PKIA: variants seen among roughly 807,000 people sequenced by gnomAD.
PKIA encodes the protein cAMP-dependent protein kinase inhibitor alpha, also known as PKI-alpha.
A neutral mutation model predicts 7.6 loss-of-function variants in PKIA; 4 were observed. The observed-to-expected ratio is 0.52, with a 90% CI of 0.26 to 1.20. PKIA has a LOEUF of 1.20. PKIA is among the 50% of genes most tolerant of loss of function. The pLI, the probability that PKIA is intolerant of heterozygous loss-of-function variation, is 0.13. For missense variants in PKIA, 73 were observed against 86.2 expected, an observed-to-expected ratio of 0.85 and a Z score of 0.61; for synonymous variants, 21 against 30.7, an observed-to-expected ratio of 0.68 and a Z score of 1.04.
chr8:78,524,083 A>ATAAACATTTATATTTATATATAAATATAT lies in PKIA; in HGVS notation c.-157+7615_-157+7616insTAAACATTTATATTTATATATAAATATAT, dbSNP rs1563565703. ...ACATTTATATTTATATATAAATATAAATAAACATTTATATTTATATATAAA... is the reference window on the plus strand; with the variant it reads ...ACATTTATATTTATATATAAATATAATAAACATTTATATTTATATATAAATATATATAAACATTTATATTTATATATAAA... On this transcript the variant is annotated intron_variant, in intron 1 of 3. Transcript: ENST00000396418. Among the ~76,000 whole-genome samples, 9 of 77,412 alleles carry ATAAACATTTATATTTATATATAAATATAT rather than the reference A, an allele frequency of 1.2e-4. 2 individuals carry two copies. Among genetic ancestry groups the ATAAACATTTATATTTATATATAAATATAT allele is most frequent in the African/African-American group, 6.8e-4 (8 of 11,760 alleles). 50.8% of individuals were successfully genotyped at this position (77,412 alleles called of 152,430 possible). A position where few individuals can be genotyped will look rare whatever the true frequency, so the allele number is the denominator to read the frequency against.
In PKIA at chr8:78,516,357, C is replaced by A. The variant is rs1357888375; in HGVS notation, c.-268C>A. 3.3e-5 allele frequency: 5 copies of A among 152,386 alleles called. No individual in the cohort carries two copies. The highest frequency in any genetic ancestry group is 1.2e-4 in the African/African-American group (5 of 41,428). 9.4% of individuals were successfully genotyped at this position (152,386 alleles called of 1,614,324 possible). On this transcript the variant is annotated 5_prime_UTR_variant, in exon 1 of 4. The change creates a new upstream start codon in the 5' untranslated region. Coordinates refer to ENST00000396418, the MANE Select transcript of PKIA (RefSeq NM_006823.4). Reference sequence around the variant, plus strand: ...TCCGCGGCGGGAGCGGAGGCTGCTGCTGGCAGGTGGGGCGCGGGCCGGCGC... The same window carrying A: ...TCCGCGGCGGGAGCGGAGGCTGCTGATGGCAGGTGGGGCGCGGGCCGGCGC...
intron 1 of PKIA, among the ~76,000 whole-genome samples, chr8:78,561,836 C>T (rs904241092): frequency 1.6e-4 from 24 of 152,172 alleles, no homozygotes; most frequent in Non-Finnish European, 3.2e-4. Context: ...GGATAATGCA[C>T]GTTAAGCATT....
At chr8:78,551,834 A>G (rs2118471900) in intron 1 of PKIA, among the ~76,000 whole-genome samples, 1 of 152,094 alleles carries the variant, frequency 6.6e-6, no homozygotes, top group Middle Eastern at 3.4e-3. Context: ...TTGCTAATGA[A>G]ATATCTCTGT....
At chr8:78,590,944 C>T (rs1808078318) in intron 2 of PKIA, among the ~76,000 whole-genome samples, 1 of 152,136 alleles carries the variant, frequency 6.6e-6, no homozygotes, top group Admixed American at 6.5e-5. Flanking sequence ...ACATACTTCC[C>T]ATGATTTCAC....
chr8:78,581,890 G>A lies in PKIA; in HGVS notation c.-28+8951G>A, dbSNP rs868187105. Reference sequence around the variant, plus strand: ...TTCTTGTTAATATTTGGATATGTTTGTAGGAAGCGTTTGGGGTTGACAGGG... The same window carrying A: ...TTCTTGTTAATATTTGGATATGTTTATAGGAAGCGTTTGGGGTTGACAGGG... On this transcript the variant is annotated intron_variant, in intron 2 of 3. Transcript: ENST00000396418. Among the ~76,000 whole-genome samples the A allele has an allele frequency of 1.2e-4, 18 of 152,212 alleles. 1 individual carries two copies. In the South Asian group the frequency reaches 3.3e-3, roughly 28 times the overall value.
intron 1 of PKIA, among the ~76,000 whole-genome samples, chr8:78,524,083 A>T (rs71500596): frequency 0.055 from 4,224 of 77,156 alleles, 816 homozygotes; most frequent in African/African-American, 0.18. Context: ...TATAAATATA[A>T]ATAAACATTT....
chr8:78,552,793 C>A (rs76878425), intron 1 of PKIA, among the ~76,000 whole-genome samples: 1 of 151,838 alleles, frequency 6.6e-6, no homozygotes, highest in East Asian at 1.9e-4. Flanking sequence ...AATAATGATA[C>A]TTTTAGTCTT....
chr8:78,581,298 T>A (rs933298100), intron 2 of PKIA, among the ~76,000 whole-genome samples: 1 of 152,122 alleles, frequency 6.6e-6, no homozygotes, highest in Non-Finnish European at 1.5e-5. Flanking sequence ...AGAAACTCGT[T>A]GTAGTTAATT....
chr8:78,524,997 A>T (rs1022851383), intron 1 of PKIA, among the ~76,000 whole-genome samples: 5 of 151,974 alleles, frequency 3.3e-5, no homozygotes, highest in South Asian at 2.1e-4. Flanking sequence ...TTGCTTTAGT[A>T]TATGTGGTAG....
chr8:78,539,725 G>A (rs1563571569), intron 1 of PKIA, among the ~76,000 whole-genome samples: 1 of 151,892 alleles, frequency 6.6e-6, no homozygotes, highest in Non-Finnish European at 1.5e-5. Context: ...TACCTGCAGT[G>A]CTTAAATTTA....
At chr8:78,566,468 T>C (rs1807415859) in intron 1 of PKIA, among the ~76,000 whole-genome samples, 1 of 152,026 alleles carries the variant, frequency 6.6e-6, no homozygotes, top group Non-Finnish European at 1.5e-5. Flanking sequence ...GTTTCAAAGA[T>C]TTCCCCTGTG....
intron 1 of PKIA, among the ~76,000 whole-genome samples, chr8:78,518,267 T>A (rs1359609747): frequency 1.3e-5 from 2 of 152,216 alleles, no homozygotes; most frequent in East Asian, 3.9e-4. Context: ...AATAACCTTA[T>A]GTTCCTTTTT....
chr8:78,576,101 AC>A (rs1585913037), intron 2 of PKIA, among the ~76,000 whole-genome samples: 1 of 152,060 alleles, frequency 6.6e-6, no homozygotes, highest in Non-Finnish European at 1.5e-5. Flanking sequence ...ACCTTATTTA[AC>A]CTAAATGACT....
intron 1 of PKIA, among the ~76,000 whole-genome samples, chr8:78,560,949 A>AG (rs1175715751): frequency 1.3e-5 from 2 of 152,200 alleles, no homozygotes; most frequent in Non-Finnish European, 2.9e-5. Context: ...TCCAGAGCAA[A>AG]GATCTTTCTA....
intron 1 of PKIA, among the ~76,000 whole-genome samples, chr8:78,565,239 T>C (rs1277313323): frequency 6.6e-6 from 1 of 151,948 alleles, no homozygotes; most frequent in Non-Finnish European, 1.5e-5. Flanking sequence ...GGAATAGAGA[T>C]TAAGCAAACT....
At chr8:78,576,122 G>A (rs1184322853) in intron 2 of PKIA, among the ~76,000 whole-genome samples, 1 of 151,770 alleles carries the variant, frequency 6.6e-6, no homozygotes, top group Admixed American at 6.6e-5. Context: ...TTCTTTAAAG[G>A]GCCTATCTCC....
At chr8:78,548,833 C>T (rs1806905381) in intron 1 of PKIA, among the ~76,000 whole-genome samples, 1 of 151,928 alleles carries the variant, frequency 6.6e-6, no homozygotes, top group Non-Finnish European at 1.5e-5. Flanking sequence ...GACTCTACAT[C>T]TACAATATAT....
At chr8:78,571,391 AC>A (rs2118555788) in intron 1 of PKIA, among the ~76,000 whole-genome samples, 1 of 152,054 alleles carries the variant, frequency 6.6e-6, no homozygotes, top group Non-Finnish European at 1.5e-5. Context: ...CTCCCCCTAC[AC>A]TCAGCATTTC....
intron 1 of PKIA, among the ~76,000 whole-genome samples, chr8:78,545,438 G>T (rs1442333179): frequency 6.6e-6 from 1 of 152,036 alleles, no homozygotes; most frequent in African/African-American, 2.4e-5. Context: ...AAATAGTTCT[G>T]ATATAGTGTG....
Sources: allele counts gnomAD v4.1 joint callset (sites outside exome capture counted in the v4.1 genomes callset), GRCh38; gene constraint gnomAD v4.1.1; transcripts MANE v1.5; gene names NCBI Gene and HGNC (gene_info 2026-07-23, HGNC 2026-07-21).